The following DAAM1 variants were observed in gnomAD, a reference collection of about 807,000 sequenced individuals.
DAAM1 encodes dishevelled associated activator of morphogenesis 1.
A neutral mutation model predicts 130.0 loss-of-function variants in DAAM1; 52 were observed. That is an observed-to-expected ratio of 0.40 (90% CI 0.32 to 0.50). The LOEUF (loss-of-function observed/expected upper bound fraction) is 0.50. Ranked by LOEUF, DAAM1 falls within the 20% of genes least tolerant of loss-of-function variation. The probability of loss-of-function intolerance (pLI) is 0.61; values close to 1 mark genes in which losing one functional copy is unlikely to be tolerated. For synonymous variants in DAAM1, 452 were observed against 444.5 expected (o/e 1.02, Z -0.21); for missense variants, 1,134 against 1,303.8 (o/e 0.87, Z 2.01).
At chr14:59,273,612 A>G (rs904524451) in intron 2 of DAAM1, among the ~76,000 whole-genome samples, 3 of 152,218 alleles carry the variant, frequency 2.0e-5, no homozygotes, top group African/African-American at 7.2e-5. Flanking sequence ...CTTAGTCCTT[A>G]TACTACCATA....
At chr14:59,260,752 AT>A (rs1287058257) in intron 1 of DAAM1, among the ~76,000 whole-genome samples, 5 of 152,334 alleles carry the variant, frequency 3.3e-5, no homozygotes, top group African/African-American at 1.2e-4. Context: ...TAAGACTTTG[AT>A]AAATTGCCCT....
chr14:59,197,501 G>A (rs551637673), intron 1 of DAAM1, among the ~76,000 whole-genome samples: 2 of 152,240 alleles, frequency 1.3e-5, no homozygotes, highest in South Asian at 2.1e-4. Context: ...TTATATTTTC[G>A]TCTTTTAAAA....
chr14:59,353,434 T>C (rs193040678), intron 18 of DAAM1, among the ~76,000 whole-genome samples: 2 of 152,138 alleles, frequency 1.3e-5, no homozygotes, highest in African/African-American at 4.8e-5. Context: ...GAAAGTAAAA[T>C]GGAAAGTTAA....
intron 2 of DAAM1, among the ~76,000 whole-genome samples, chr14:59,271,191 G>T (rs1305756722): frequency 6.6e-6 from 1 of 152,004 alleles, no homozygotes; most frequent in East Asian, 1.9e-4. Context: ...TAATGTTTGA[G>T]GATAATAGAG....
chr14:59,321,526 G>A (rs1028931811), intron 5 of DAAM1, among the ~76,000 whole-genome samples: 7 of 152,132 alleles, frequency 4.6e-5, no homozygotes, highest in African/African-American at 1.4e-4. Context: ...CTGATAATCA[G>A]CTTCTATGTT....
chr14:59,367,119 C>T (rs747367475), intron 23 of DAAM1, among the ~76,000 whole-genome samples: 2 of 151,908 alleles, frequency 1.3e-5, no homozygotes, highest in Non-Finnish European at 1.5e-5. Context: ...AAAATCCTGA[C>T]TCTACTAAAA....
chr14:59,350,987 G>A (rs139284738), intron 17 of DAAM1, among the ~76,000 whole-genome samples: 1 of 152,130 alleles, frequency 6.6e-6, no homozygotes, highest in East Asian at 1.9e-4. Context: ...TTGTCCAGCT[G>A]CCTACTAGAA....
intron 2 of DAAM1, among the ~76,000 whole-genome samples, chr14:59,276,965 A>G (rs1370347371): frequency 5.3e-4 from 80 of 152,208 alleles, no homozygotes; most frequent in Non-Finnish European, 5.1e-4. Flanking sequence ...ATTTGTATGT[A>G]TGTAAAGAGT....
chr14:59,333,131 TGGG>T (rs1222692179), intron 15 of DAAM1, among the ~76,000 whole-genome samples: 7 of 151,984 alleles, frequency 4.6e-5, no homozygotes, highest in African/African-American at 1.7e-4. Flanking sequence ...ACATCTGAAA[TGGG>T]GGGGAAAAGC....
At chr14:59,203,645 T>A (rs1249779846) in intron 1 of DAAM1, among the ~76,000 whole-genome samples, 1 of 152,174 alleles carries the variant, frequency 6.6e-6, no homozygotes, top group Non-Finnish European at 1.5e-5. Flanking sequence ...TAAAGAAATT[T>A]TTGTTGTAGT....
chr14:59,220,597 G>A (rs1027581768), intron 1 of DAAM1, among the ~76,000 whole-genome samples: 4 of 151,504 alleles, frequency 2.6e-5, no homozygotes, highest in Non-Finnish European at 4.4e-5. Flanking sequence ...AAGGAGTCCC[G>A]CCATCTGCCA....
At chr14:59,249,948 A>C (rs1285880632) in intron 1 of DAAM1, among the ~76,000 whole-genome samples, 1 of 152,198 alleles carries the variant, frequency 6.6e-6, no homozygotes, top group African/African-American at 2.4e-5. Flanking sequence ...TAAACTTTAA[A>C]TATATTTGAT....
intron 15 of DAAM1, among the ~76,000 whole-genome samples, chr14:59,333,831 A>C (rs1324807791): frequency 6.6e-6 from 1 of 152,246 alleles, no homozygotes; most frequent in Non-Finnish European, 1.5e-5. Context: ...CAGAAGGTGC[A>C]GAAGGATACT....
chr14:59,248,864 A>G (rs1881511382), intron 1 of DAAM1, among the ~76,000 whole-genome samples: 1 of 152,066 alleles, frequency 6.6e-6, no homozygotes, highest in Admixed American at 6.5e-5. Context: ...GCTCACTGCA[A>G]CTTCCGCCTG....
intron 2 of DAAM1, among the ~76,000 whole-genome samples, chr14:59,284,361 A>G (rs530802652): frequency 6.6e-6 from 1 of 152,256 alleles, no homozygotes; most frequent in African/African-American, 2.4e-5. Context: ...TCCTAAGCCT[A>G]CATGTCCATG....
At chr14:59,341,969 C>T (rs1427184178) in intron 16 of DAAM1, among the ~76,000 whole-genome samples, 2 of 152,110 alleles carry the variant, frequency 1.3e-5, no homozygotes, top group Admixed American at 1.3e-4. Flanking sequence ...TAAGTACCAA[C>T]CAGGGTAATT....
At chr14:59,203,653 A>G (rs1238017259) in intron 1 of DAAM1, among the ~76,000 whole-genome samples, 1 of 152,184 alleles carries the variant, frequency 6.6e-6, no homozygotes, top group African/African-American at 2.4e-5. Flanking sequence ...TTTTTGTTGT[A>G]GTAGAATCTG....
intron 1 of DAAM1, among the ~76,000 whole-genome samples, chr14:59,224,690 C>T (rs1010190507): frequency 2.3e-4 from 35 of 152,200 alleles, no homozygotes; most frequent in African/African-American, 6.8e-4. Context: ...GTATTTTGCA[C>T]GTGAGAAAAA....
chr14:59,210,155 C>CA (rs957020809), intron 1 of DAAM1, among the ~76,000 whole-genome samples: 4 of 151,936 alleles, frequency 2.6e-5, no homozygotes, highest in South Asian at 2.1e-4. Flanking sequence ...AACAAACAAA[C>CA]AAAAAAACCA....
Sources: gnomAD v4.1 joint callset for allele counts (sites outside exome capture counted in the v4.1 genomes callset) on GRCh38, gnomAD v4.1.1 for gene constraint, MANE v1.5 for transcripts, NCBI Gene and HGNC (gene_info 2026-07-23, HGNC 2026-07-21) for gene names.